Variants in TSPAN3 observed in about 807,000 individuals in gnomAD.
TSPAN3 encodes the protein tetraspanin-3.
In TSPAN3, 9 loss-of-function variants were observed where a neutral mutation model predicts 31.1. That is an observed-to-expected ratio of 0.29 (90% CI 0.17 to 0.50). TSPAN3 has a LOEUF of 0.50. Among genes scored for constraint, TSPAN3 ranks in the 20% least tolerant of loss-of-function variants. The pLI, the probability that TSPAN3 is intolerant of heterozygous loss-of-function variation, is 0.98. For synonymous variants in TSPAN3, 129 were observed against 114.3 expected (o/e 1.13, Z -0.82); for missense variants, 252 against 313.5 (o/e 0.80, Z 1.48).
At position 77,046,543 on chromosome 15, in the gene TSPAN3, T is replaced by A; in HGVS notation, c.*292A>T. 1 of 461,418 alleles carries A rather than the reference T, an allele frequency of 2.2e-6. No homozygotes were observed. The highest frequency in any genetic ancestry group is 3.8e-6 in the Non-Finnish European group (1 of 262,094). 28.6% of individuals were successfully genotyped at this position (461,418 alleles called of 1,614,324 possible). ...CCACTTGGAGGTAACAGAAGCAGGC[T>A]CGTGTCCTCCTTTAATTCTACCACA... On this transcript the variant is annotated 3_prime_UTR_variant, in exon 7 of 7. Transcript: ENST00000267970.
intron 4 of TSPAN3, 117 bp downstream of exon 4, chr15:77,054,061 T>C: frequency 1.4e-6 from 1 of 704,336 alleles, no homozygotes. Context: ...ATTGGTCACA[T>C]CAGGATAGCC....
intron 4 of TSPAN3, among the ~76,000 whole-genome samples, chr15:77,053,324 C>G (rs897989308): frequency 6.6e-6 from 1 of 151,290 alleles, no homozygotes; most frequent in East Asian, 1.9e-4. Context: ...GGTGAAACCC[C>G]GTCTCTACTA....
chr15:77,058,233 G>C (rs1181798361), intron 1 of TSPAN3, among the ~76,000 whole-genome samples: 2 of 152,144 alleles, frequency 1.3e-5, no homozygotes, highest in Non-Finnish European at 2.9e-5. Flanking sequence ...TCAAGCCATA[G>C]CCTTACTTAA....
chr15:77,055,506 T>A (rs1280422603), intron 3 of TSPAN3: 7 of 275,350 alleles, frequency 2.5e-5, no homozygotes, highest in Non-Finnish European at 4.7e-5. Flanking sequence ...ATAGGCAATC[T>A]GTGTGCTGAG....
At chr15:77,049,167 T>C (rs2152695100) in intron 6 of TSPAN3, among the ~76,000 whole-genome samples, 1 of 152,346 alleles carries the variant, frequency 6.6e-6, no homozygotes, top group Middle Eastern at 3.4e-3. Flanking sequence ...AATTCATTTA[T>C]ATAACATTTT....
At chr15:77,069,351 G>A (rs896385910) in intron 1 of TSPAN3, among the ~76,000 whole-genome samples, 4 of 152,138 alleles carry the variant, frequency 2.6e-5, no homozygotes, top group Admixed American at 6.6e-5. Flanking sequence ...CACAAATCAT[G>A]CCACATCTAC....
At chr15:77,070,455 G>T (rs1278122364) in intron 1 of TSPAN3, among the ~76,000 whole-genome samples, 3 of 152,018 alleles carry the variant, frequency 2.0e-5, no homozygotes, top group Non-Finnish European at 4.4e-5. Flanking sequence ...TGCCCGCCTC[G>T]GGACGGCCAC....
chr15:77,052,715 G>C, intron 5 of TSPAN3, 62 bp downstream of exon 5: 1 of 1,571,864 alleles, frequency 6.4e-7, no homozygotes, highest in East Asian at 2.3e-5. Flanking sequence ...CCCAGATGGT[G>C]ATAAGACATG....
Position 77,052,893 on chromosome 15 carries a change from C to T in TSPAN3, c.469G>A (p.Glu157Lys). ...GTTTCTTTGAACCAATCTGTATTTT[C>T]CCAGTCTGAGTAGTTGTGAATTCCA... The part of the protein sequence containing the change: ...CCGIHNYSDW[E>K]NTDWFKETKN... The change falls in exon 5 of 7, where the codon GAA becomes AAA. Residue 157 changes from glutamate to lysine, a missense_variant. Coordinates refer to ENST00000267970, the MANE Select transcript of TSPAN3 (RefSeq NM_005724.6). 1.2e-6 allele frequency: 2 copies of T among 1,613,966 alleles called. No individual in the cohort carries two copies. The highest frequency in any genetic ancestry group is 2.2e-5 in the South Asian group (2 of 91,046).
chr15:77,059,944 C>T (rs989519846), intron 1 of TSPAN3, among the ~76,000 whole-genome samples: 3 of 152,138 alleles, frequency 2.0e-5, no homozygotes, highest in Non-Finnish European at 2.9e-5. Context: ...GCCTCTCCCC[C>T]CTAAAAGAGG....
At chr15:77,063,089 C>T (rs2076809906) in intron 1 of TSPAN3, among the ~76,000 whole-genome samples, 1 of 152,154 alleles carries the variant, frequency 6.6e-6, no homozygotes, top group African/African-American at 2.4e-5. Context: ...CCAATGAATT[C>T]ATTCCTGGAT....
intron 1 of TSPAN3, among the ~76,000 whole-genome samples, chr15:77,066,542 A>T (rs1402863984): frequency 8.4e-6 from 1 of 119,514 alleles, no homozygotes; most frequent in Non-Finnish European, 1.6e-5. Context: ...ACTGCACTCC[A>T]GCCTGGGCGA....
rs193138225 is a variant in TSPAN3 at position 77,065,513 on chromosome 15, G to A, written c.63+5379C>T. The stretch of plus-strand genomic sequence containing the variant: ...TCGATCGCCGCTCACTACAAGCTCC[G>A]CCTCCCGGGTTCACGCCATGCTCCT... On this transcript the variant is annotated intron_variant, in intron 1 of 6. Transcript: ENST00000267970. 3.1e-3 allele frequency among the ~76,000 whole-genome samples: 474 copies of A among 152,152 alleles called. 3 individuals carry two copies. Among genetic ancestry groups the A allele is most frequent in the African/African-American group, 0.01 (425 of 41,510 alleles).
At chr15:77,061,268 C>T (rs149459279) in intron 1 of TSPAN3, among the ~76,000 whole-genome samples, 1 of 152,146 alleles carries the variant, frequency 6.6e-6, no homozygotes, top group African/African-American at 2.4e-5. Context: ...TAGCTCACAC[C>T]AGTAATCCCA....
chr15:77,058,574 C>A (rs2076782196), intron 1 of TSPAN3, among the ~76,000 whole-genome samples: 1 of 152,186 alleles, frequency 6.6e-6, no homozygotes. Flanking sequence ...GAAACGGTTG[C>A]AATTATAGCT....
chr15:77,065,974 A>G (rs1017527903), intron 1 of TSPAN3, among the ~76,000 whole-genome samples: 1 of 152,244 alleles, frequency 6.6e-6, no homozygotes, highest in African/African-American at 2.4e-5. Context: ...AAATTCTATA[A>G]GCATGGACAA....
intron 6 of TSPAN3, among the ~76,000 whole-genome samples, chr15:77,051,685 G>GAA (rs76151770): frequency 5.0e-4 from 69 of 137,818 alleles, no homozygotes; most frequent in Admixed American, 1.3e-3. Flanking sequence ...CCCATTTCTG[G>GAA]AAAAAAAAAA....
chr15:77,054,139 A>T, intron 4 of TSPAN3, 39 bp downstream of exon 4: 2 of 1,430,882 alleles, frequency 1.4e-6, no homozygotes, highest in Non-Finnish European at 2.0e-6. Context: ...CCCAATCGTG[A>T]TTGGTCCTCA....
At chr15:77,055,490 C>T (rs918367325) in intron 3 of TSPAN3, 1 of 236,202 alleles carries the variant, frequency 4.2e-6, no homozygotes, top group South Asian at 1.3e-4. Context: ...TTATGCCTCC[C>T]CTCATATAGG....
Sources: allele counts gnomAD v4.1 joint callset (sites outside exome capture counted in the v4.1 genomes callset), GRCh38; gene constraint gnomAD v4.1.1; transcripts MANE v1.5; gene names NCBI Gene and HGNC (gene_info 2026-07-23, HGNC 2026-07-21).